ALOX12: variants seen among roughly 807,000 people sequenced by gnomAD.
The protein encoded by ALOX12 is polyunsaturated fatty acid lipoxygenase ALOX12.
Under a neutral mutation model 85.5 loss-of-function variants are expected in ALOX12, and 62 were observed. The observed-to-expected ratio is 0.73, with a 90% CI of 0.59 to 0.90. ALOX12 has a LOEUF of 0.90. Among genes scored for constraint, ALOX12 ranks in the 40% least tolerant of loss-of-function variants. The pLI is 0.00. For synonymous variants in ALOX12, 299 were observed against 332.7 expected (o/e 0.90, Z 1.10); for missense variants, 751 against 856.5 (o/e 0.88, Z 1.54).
chr17:7,010,017 C>A lies in ALOX12; in HGVS notation c.1703C>A (p.Thr568Asn), dbSNP rs41359946. ...ACAATGCGGATGCCCCCACCCACCA[C>A]CAAGGAAGATGTGACGATGGCCACA... ...PCTMRMPPPT[T>N]KEDVTMATVM... The change falls in exon 13 of 14, where the codon ACC becomes AAC. Residue 568 changes from threonine (T) to asparagine (N), a missense_variant. Physicochemically the swap from Thr to Asn is moderately conservative, Grantham distance 65. Transcript: ENST00000251535. 7,837 of 1,614,190 alleles carry A rather than the reference C, an allele frequency of 4.9e-3. 30 individuals carry two copies. The highest frequency in any genetic ancestry group is 5.4e-3 in the Non-Finnish European group (6,316 of 1,180,032).
chr17:6,998,472 C>G, intron 2 of ALOX12, 37 bp from the exon 3 acceptor site: 2 of 1,436,920 alleles, frequency 1.4e-6, no homozygotes, highest in South Asian at 2.3e-5. Context: ...TAGGACCAGA[C>G]AGAGCCGTGA....
At chr17:6,997,520 A>G (rs1377183317) in intron 2 of ALOX12, among the ~76,000 whole-genome samples, 1 of 151,454 alleles carries the variant, frequency 6.6e-6, no homozygotes, top group Non-Finnish European at 1.5e-5. Context: ...ACTGGCCCGC[A>G]GGAGACGAGG....
In ALOX12 at chr17:7,005,885, G is replaced by A. The variant is rs371454972; in HGVS notation, c.1276G>A (p.Val426Ile). The A allele has an allele frequency of 5.6e-6, 9 of 1,613,058 alleles. No individual in the cohort carries two copies. Among genetic ancestry groups the A allele is most frequent in the African/African-American group, 1.3e-5 (1 of 74,872 alleles). The stretch of plus-strand genomic sequence containing the variant: ...AGTGAGCACAGGTGGAGGGGGCCAT[G>A]TACAGTTGCTCCGTCGGGCGGCAGC... Reference protein sequence around the residue: ...KAVSTGGGGHVQLLRRAAAQL... With the variant: ...KAVSTGGGGHIQLLRRAAAQL... Residue 426 changes from valine to isoleucine, a missense_variant, in exon 10 of 14, where the codon GTA becomes ATA. Coordinates refer to ENST00000251535, the MANE Select transcript of ALOX12 (RefSeq NM_000697.3).
intron 5 of ALOX12, 48 bp from the exon 6 acceptor site, chr17:6,999,258 G>A: frequency 6.2e-7 from 1 of 1,611,646 alleles, no homozygotes; most frequent in Non-Finnish European, 8.5e-7. Context: ...TTGGAGAAGG[G>A]ATATGCAGGC....
At position 7,005,352 on chromosome 17, in the gene ALOX12, G is replaced by T. The variant is rs1453525760; in HGVS notation, c.1248+9G>T. 4 of 1,606,118 alleles carry T rather than the reference G, an allele frequency of 2.5e-6. No homozygotes were observed. The highest frequency in any genetic ancestry group is 3.4e-6 in the Non-Finnish European group (4 of 1,172,980). On this transcript the variant is annotated intron_variant, in intron 9 of 13. Coordinates refer to ENST00000251535, the MANE Select transcript of ALOX12 (RefSeq NM_000697.3). ...GAGGAATTTTTGATAAGGTGAGGAG[G>T]GTACGGGGCATGGGACTGCCTCATC...
chr17:7,003,131 A>T (rs1221161932), intron 8 of ALOX12, among the ~76,000 whole-genome samples: 1 of 152,180 alleles, frequency 6.6e-6, no homozygotes, highest in South Asian at 2.1e-4. Context: ...TGAAGCCTCT[A>T]TTCACACTTA....
At chr17:6,998,231 T>C (rs1908544402) in intron 2 of ALOX12, among the ~76,000 whole-genome samples, 1 of 151,758 alleles carries the variant, frequency 6.6e-6, no homozygotes, top group South Asian at 2.1e-4. Context: ...TAAGGCCAGG[T>C]AGGGGAAGAT....
Position 7,001,803 on chromosome 17 carries a change from A to T in ALOX12, c.1153A>T (p.Ile385Phe). ...TMRCLPGLHP[I>F]FKFLIPHIRY... The stretch of plus-strand genomic sequence containing the variant: ...GCGGTGCCTCCCAGGACTGCACCCC[A>T]TCTTCAAGGTACTTATTAATCTATT... Residue 385 changes from isoleucine to phenylalanine, a missense_variant, in exon 8 of 14, where the codon ATC becomes TTC. Transcript: ENST00000251535. The T allele has an allele frequency of 1.2e-6, 2 of 1,613,808 alleles. No homozygotes were observed. The highest frequency in any genetic ancestry group is 1.7e-6 in the Non-Finnish European group (2 of 1,179,704).
Position 7,001,695 on chromosome 17 carries a change from A to C in ALOX12, c.1045A>C (p.Asn349His). 6.2e-7 allele frequency: 1 copy of C among 1,614,172 alleles called. No individual in the cohort carries two copies. Among genetic ancestry groups the C allele is most frequent in the East Asian group, 2.2e-5 (1 of 44,882 alleles). ...AWLLAKSWVR[N>H]SDFQLHEIQY... ...GCTCCTGGCAAAGTCCTGGGTCCGA[A>C]ATTCAGATTTCCAACTGCACGAGAT... is the stretch of plus-strand genomic sequence containing the variant. Residue 349 changes from asparagine to histidine, a missense_variant, in exon 8 of 14, where the codon AAT becomes CAT. By Grantham distance (68) the Asn-to-His change is moderately conservative (BLOSUM62 1). Transcript: ENST00000251535.
At chr17:6,996,379 A>C in intron 1 of ALOX12, 127 bp downstream of exon 1, 1 of 1,092,130 alleles carries the variant, frequency 9.2e-7, no homozygotes. Context: ...GCGGACTGGG[A>C]CTTCCACGAA....
At chr17:7,006,670 C>T (rs1157898786) in intron 11 of ALOX12, 63 bp downstream of exon 11, 22 of 1,514,222 alleles carry the variant, frequency 1.5e-5, no homozygotes, top group Non-Finnish European at 1.9e-5. Flanking sequence ...CCTTCCCAGC[C>T]CTGCCCTTCT....
At chr17:7,004,557 A>G (rs1359729992) in intron 8 of ALOX12, among the ~76,000 whole-genome samples, 1 of 150,542 alleles carries the variant, frequency 6.6e-6, no homozygotes, top group East Asian at 1.9e-4. Flanking sequence ...TTTTAATATT[A>G]AAAAAAGACC....
intron 10 of ALOX12, 90 bp downstream of exon 10, chr17:7,006,117 G>T: frequency 1.0e-6 from 1 of 1,003,104 alleles, no homozygotes; most frequent in Non-Finnish European, 1.4e-6. Flanking sequence ...AGAAGGTCCA[G>T]AAAGGAGAAG....
At chr17:7,004,297 A>T (rs1908901219) in intron 8 of ALOX12, among the ~76,000 whole-genome samples, 1 of 8,070 alleles carries the variant, frequency 1.2e-4, no homozygotes, top group African/African-American at 1.9e-4. Context: ...ATATTAAATT[A>T]AATTTTAATA....
At chr17:6,998,410 T>C in intron 2 of ALOX12, 99 bp from the exon 3 acceptor site, 1 of 798,438 alleles carries the variant, frequency 1.3e-6, no homozygotes, top group Non-Finnish European at 2.1e-6. Context: ...AGTGCATGGC[T>C]GAAAACATGG....
intron 5 of ALOX12, 35 bp downstream of exon 5, chr17:6,999,091 A>G (rs1285384392): frequency 1.3e-6 from 2 of 1,593,434 alleles, no homozygotes; most frequent in Admixed American, 1.7e-5. Context: ...TAATCCCTTA[A>G]TGGCCCCTCT....
Position 7,005,969 on chromosome 17 carries a change from G to C in ALOX12, c.1360G>C (p.Gly454Arg), listed in dbSNP as rs754117733. Reference sequence around the variant, plus strand: ...CGACCTGGCTGACCGGGGCCTGCTGGGACTCCCAGGTGCTCTCTATGCCCA... The same window carrying C: ...CGACCTGGCTGACCGGGGCCTGCTGCGACTCCCAGGTGCTCTCTATGCCCA... ...PDDLADRGLL[G>R]LPGALYAHDA... Residue 454 changes from glycine (G) to arginine (R), a missense_variant, in exon 10 of 14, where the codon GGA becomes CGA. Coordinates refer to ENST00000251535, the MANE Select transcript of ALOX12 (RefSeq NM_000697.3). The C allele has an allele frequency of 9.9e-6, 16 of 1,610,732 alleles. No individual in the cohort carries two copies. The Admixed American group carries it at 1.8e-4, about 19-fold the overall frequency.
At chr17:7,005,821 T>C (rs762500426) in intron 9 of ALOX12, 37 bp from the exon 10 acceptor site, 20 of 1,593,880 alleles carry the variant, frequency 1.3e-5, no homozygotes, top group South Asian at 2.2e-5. Context: ...TCTCCAGCCC[T>C]GTTTCCCCCT....
At chr17:7,008,677 C>G (rs935071807) in intron 11 of ALOX12, among the ~76,000 whole-genome samples, 2 of 151,124 alleles carry the variant, frequency 1.3e-5, no homozygotes, top group Non-Finnish European at 2.9e-5. Flanking sequence ...ACCTGAGAGG[C>G]GGAGGTTACA....
Sources: allele counts gnomAD v4.1 joint callset (sites outside exome capture counted in the v4.1 genomes callset), GRCh38; gene constraint gnomAD v4.1.1; transcripts MANE v1.5; gene names NCBI Gene and HGNC (gene_info 2026-07-23, HGNC 2026-07-21).